ZNF521: variants seen among roughly 807,000 people sequenced by gnomAD.
The protein encoded by ZNF521 is zinc finger protein 521, also known as LYST-interacting protein 3.
A neutral mutation model predicts 105.5 loss-of-function variants in ZNF521; 14 were observed. That is an observed-to-expected ratio of 0.13 (90% CI 0.09 to 0.21). The LOEUF (loss-of-function observed/expected upper bound fraction) is 0.21, where lower values mean the gene tolerates loss of function less well. Among genes scored for constraint, ZNF521 ranks in the 10% least tolerant of loss-of-function variants. The pLI, the probability that ZNF521 is intolerant of heterozygous loss-of-function variation, is 1.00. For missense variants in ZNF521, 1,233 were observed against 1,629.7 expected (o/e 0.76, Z 4.19); for synonymous variants, 635 against 606.0 (o/e 1.05, Z -0.70).
chr18:25,300,268 C>A (rs1306548382), intron 3 of ZNF521, among the ~76,000 whole-genome samples: 1 of 152,164 alleles, frequency 6.6e-6, no homozygotes, highest in Non-Finnish European at 1.5e-5. Context: ...AAAGCAGATC[C>A]ACCAATCAAT....
chr18:25,206,756 T>C (rs529634866), intron 4 of ZNF521, among the ~76,000 whole-genome samples: 1 of 152,300 alleles, frequency 6.6e-6, no homozygotes, highest in Non-Finnish European at 1.5e-5. Flanking sequence ...ACAGCTTTCC[T>C]ACTGAGGCAT....
chr18:25,091,158 C>T (rs1244690284), intron 6 of ZNF521, among the ~76,000 whole-genome samples: 1 of 152,152 alleles, frequency 6.6e-6, no homozygotes, highest in Non-Finnish European at 1.5e-5. Flanking sequence ...TATATTCTCC[C>T]TCCTCCAACA....
At position 25,227,377 on chromosome 18, in the gene ZNF521, C is replaced by T; in HGVS notation, c.541G>A (p.Ala181Thr). ...DKKYHCSECD[A>T]AFSRSDHLKI... is the part of the protein sequence containing the mutation. Reference sequence around the variant, plus strand: ...AAGTGATCACTTCTGGAAAACGCAGCATCACATTCACTGCAGTGGTACTTC... The same window carrying T: ...AAGTGATCACTTCTGGAAAACGCAGTATCACATTCACTGCAGTGGTACTTC... The change falls in exon 4 of 8, where the codon GCT becomes ACT. Residue 181 changes from alanine to threonine, a missense_variant. Coordinates refer to ENST00000361524, the MANE Select transcript of ZNF521 (RefSeq NM_015461.3). This position sits in a 1 kb window ranked among gnomAD's most constrained non-coding sequence, Gnocchi z 5.7. 2.5e-6 allele frequency: 4 copies of T among 1,614,154 alleles called. No individual in the cohort carries two copies. The highest frequency in any genetic ancestry group is 3.4e-6 in the Non-Finnish European group (4 of 1,180,026).
rs1279613869 is a variant in ZNF521, at chr18:25,062,658, C to G, written c.*54G>C. 6.7e-7 allele frequency: 1 copy of G among 1,491,180 alleles called. No homozygotes were observed. The highest frequency in any genetic ancestry group is 9.0e-7 in the Non-Finnish European group (1 of 1,113,716). 92.4% of individuals were successfully genotyped at this position (1,491,180 alleles called of 1,614,324 possible). ...TGAAAGTTTCGTGCAAAGAGTAAAA[C>G]ATGTTCCCTTTTTGTGCCACAAAAT... is the stretch of plus-strand genomic sequence containing the variant. On this transcript the variant is annotated 3_prime_UTR_variant, in exon 8 of 8. Coordinates refer to ENST00000361524, the MANE Select transcript of ZNF521 (RefSeq NM_015461.3).
At chr18:25,115,424 T>C (rs994952006) in intron 5 of ZNF521, among the ~76,000 whole-genome samples, 9 of 152,188 alleles carry the variant, frequency 5.9e-5, no homozygotes, top group African/African-American at 2.2e-4. Flanking sequence ...TGTATCTCTT[T>C]TCCCCTTTAA....
At chr18:25,116,745 G>A (rs890703386) in intron 5 of ZNF521, among the ~76,000 whole-genome samples, 25 of 151,408 alleles carry the variant, frequency 1.7e-4, no homozygotes, top group Non-Finnish European at 2.5e-4. Flanking sequence ...TATTTTATAC[G>A]CATGTGGATG....
chr18:25,102,443 A>C (rs925024106), intron 5 of ZNF521, among the ~76,000 whole-genome samples: 6 of 152,022 alleles, frequency 3.9e-5, no homozygotes, highest in Admixed American at 6.5e-5. Flanking sequence ...GCACTGGATA[A>C]AATTTAGAAG....
chr18:25,306,259 T>C (rs1911968274), intron 3 of ZNF521, among the ~76,000 whole-genome samples: 1 of 152,164 alleles, frequency 6.6e-6, no homozygotes, highest in South Asian at 2.1e-4. Flanking sequence ...TTAATTAAAA[T>C]AATACGAAGG....
intron 2 of ZNF521, among the ~76,000 whole-genome samples, chr18:25,345,712 C>T (rs563168821): frequency 1.3e-5 from 2 of 152,202 alleles, no homozygotes; most frequent in South Asian, 2.1e-4. Flanking sequence ...TTGTTTATGT[C>T]GGATTGTCTA....
chr18:25,130,196 A>T (rs2034614529), intron 5 of ZNF521, among the ~76,000 whole-genome samples: 1 of 152,220 alleles, frequency 6.6e-6, no homozygotes, highest in South Asian at 2.1e-4. Flanking sequence ...AAACACATGG[A>T]TGAATCTCAA....
At chr18:25,097,363 T>A (rs961682838) in intron 5 of ZNF521, among the ~76,000 whole-genome samples, 6 of 152,158 alleles carry the variant, frequency 3.9e-5, no homozygotes, top group Non-Finnish European at 7.3e-5. Context: ...AGTCTGCCGG[T>A]AGATTAGTCA....
chr18:25,133,327 T>G (rs1382521852), intron 5 of ZNF521, among the ~76,000 whole-genome samples: 1 of 152,220 alleles, frequency 6.6e-6, no homozygotes. Flanking sequence ...TATGAGCTTG[T>G]AATCAGCTAA....
chr18:25,265,299 A>G (rs1226505867), intron 3 of ZNF521, among the ~76,000 whole-genome samples: 1 of 152,222 alleles, frequency 6.6e-6, no homozygotes, highest in Non-Finnish European at 1.5e-5. Flanking sequence ...AAAGTAGAAG[A>G]GGAAGAAAGG....
At position 25,149,256 on chromosome 18, in the gene ZNF521, C is replaced by G. The variant is rs12458819; in HGVS notation, c.3658+45904G>C. 2.6e-5 allele frequency among the ~76,000 whole-genome samples: 4 copies of G among 152,092 alleles called. No homozygotes were observed. The South Asian group carries it at 8.3e-4, about 32-fold the overall frequency. On this transcript the variant is annotated intron_variant, in intron 5 of 7. Coordinates refer to ENST00000361524, the MANE Select transcript of ZNF521 (RefSeq NM_015461.3). Reference sequence around the variant, plus strand: ...CTACTGTGTAACTTCTAAGGTGCTACGATTGAATCAGCCATAGATGTAGGT... The same window carrying G: ...CTACTGTGTAACTTCTAAGGTGCTAGGATTGAATCAGCCATAGATGTAGGT...
chr18:25,238,445 C>A (rs1309484286), intron 3 of ZNF521, among the ~76,000 whole-genome samples: 3 of 152,176 alleles, frequency 2.0e-5, no homozygotes, highest in Admixed American at 6.5e-5. Flanking sequence ...TATATATACA[C>A]ATCTCCTTAA....
intron 5 of ZNF521, among the ~76,000 whole-genome samples, chr18:25,176,405 G>C (rs537443380): frequency 3.3e-5 from 5 of 152,246 alleles, no homozygotes; most frequent in Admixed American, 1.3e-4. Flanking sequence ...TGTATGCACT[G>C]AGCAATCTTC....
chr18:25,078,874 G>A (rs932519341), intron 7 of ZNF521, among the ~76,000 whole-genome samples: 1 of 152,234 alleles, frequency 6.6e-6, no homozygotes, highest in Non-Finnish European at 1.5e-5. Context: ...AAGTGGGAGT[G>A]CAGAGGGCGG....
chr18:25,337,293 G>A lies in ZNF521; in HGVS notation c.40+13614C>T, dbSNP rs924557477. Among the ~76,000 whole-genome samples, 11 of 152,090 alleles carry A rather than the reference G, an allele frequency of 7.2e-5. 1 individual carries two copies. The highest frequency in any genetic ancestry group is 5.8e-4 in the East Asian group (3 of 5,192). On this transcript the variant is annotated intron_variant, in intron 2 of 7. Coordinates refer to ENST00000361524, the MANE Select transcript of ZNF521 (RefSeq NM_015461.3). ...AGATCTATTAGTTACAAGGGAAAGC[G>A]CTGACAATACCAAAAATAAAAATTT...
intron 3 of ZNF521, among the ~76,000 whole-genome samples, chr18:25,240,753 T>C (rs1024788737): frequency 6.6e-6 from 1 of 151,920 alleles, no homozygotes; most frequent in Non-Finnish European, 1.5e-5. Context: ...CTCTGAGAGT[T>C]AAGACCCATA....
Sources: allele counts gnomAD v4.1 joint callset (sites outside exome capture counted in the v4.1 genomes callset), GRCh38; gene constraint gnomAD v4.1.1; non-coding constraint Gnocchi (gnomAD v3.1); transcripts MANE v1.5; gene names NCBI Gene and HGNC (gene_info 2026-07-23, HGNC 2026-07-21).